PAQR3: variants seen among roughly 807,000 people sequenced by gnomAD.
The protein encoded by PAQR3 is progestin and adipoQ receptor family member 3.
A neutral mutation model predicts 41.7 loss-of-function variants in PAQR3; 39 were observed. The observed-to-expected ratio is 0.93, with a 90% CI of 0.72 to 1.22. PAQR3 has a LOEUF of 1.22. Among genes scored for constraint, PAQR3 ranks in the 50% most tolerant of loss-of-function variants. PAQR3 has a pLI of 0.00. For missense variants in PAQR3, 366 were observed against 385.6 expected (o/e 0.95, Z 0.42); for synonymous variants, 140 against 140.6 (o/e 1.00, Z 0.03).
intron 4 of PAQR3, among the ~76,000 whole-genome samples, chr4:78,924,742 ATGG>A (rs1736019660): frequency 6.7e-6 from 1 of 149,438 alleles, no homozygotes; most frequent in Non-Finnish European, 1.5e-5. Context: ...TTAGCTGGGC[ATGG>A]TGGTGCACAC....
intron 5 of PAQR3, chr4:78,921,548 T>TAA (rs1735659752): frequency 3.1e-6 from 2 of 645,576 alleles, no homozygotes; most frequent in African/African-American, 4.0e-5. Flanking sequence ...ACCCATTTTT[T>TAA]TAAAAAACAA....
At chr4:78,934,916 T>C (rs1737267833) in intron 2 of PAQR3, among the ~76,000 whole-genome samples, 1 of 152,192 alleles carries the variant, frequency 6.6e-6, no homozygotes, top group African/African-American at 2.4e-5. Context: ...CAAATTCTTC[T>C]CAATCTTTGT....
chr4:78,907,469 A>G (rs1319776029), downstream of PAQR3, among the ~76,000 whole-genome samples: 1 of 152,220 alleles, frequency 6.6e-6, no homozygotes, highest in Non-Finnish European at 1.5e-5. Context: ...TCCTACGTTA[A>G]ATGTTCCAGA....
chr4:78,922,766 A>G (rs912941097), intron 5 of PAQR3: 115 of 363,554 alleles, frequency 3.2e-4, no homozygotes, highest in South Asian at 9.2e-4. Flanking sequence ...CCCTGGGGGG[A>G]AAAAAAAGTA....
At chr4:78,926,794 A>T in intron 3 of PAQR3, 76 bp from the exon 4 acceptor site, 3 of 1,329,826 alleles carry the variant, frequency 2.3e-6, no homozygotes, top group Non-Finnish European at 3.2e-6. Context: ...TGGCTTTTAC[A>T]CTACAAATTC....
intron 12 of PAQR3, chr4:78,887,351 T>C (rs1284946670): frequency 2.5e-6 from 3 of 1,192,880 alleles, no homozygotes; most frequent in East Asian, 5.0e-5. Context: ...CAAAATCTTA[T>C]AAAGTGGAAG....
downstream of PAQR3, among the ~76,000 whole-genome samples, chr4:78,906,966 G>C (rs1454498789): frequency 6.6e-6 from 1 of 152,070 alleles, no homozygotes; most frequent in Non-Finnish European, 1.5e-5. Context: ...CCCATGAGGA[G>C]GGAATCATAG....
rs1737796640 is a variant in PAQR3, at chr4:78,939,315, G to C, written c.-91C>G. ...GCTTCGCCGCTGGCGCCCCCGCCCC[G>C]GAGCCCGCGGACGCTGCGCGAGGTC... On this transcript the variant is annotated 5_prime_UTR_variant, in exon 1 of 6. Coordinates refer to ENST00000512733, the MANE Select transcript of PAQR3 (RefSeq NM_001040202.2). The C allele has an allele frequency of 8.0e-7, 1 of 1,250,166 alleles. No homozygotes were observed. Among genetic ancestry groups the C allele is most frequent in the East Asian group, 3.2e-5 (1 of 31,526 alleles). The allele number at this position is 1,250,166 out of a possible 1,614,324, so 77.4% of individuals were successfully genotyped here.
At chr4:78,890,404 G>GCACACACACA (rs149825379) in intron 11 of PAQR3, among the ~76,000 whole-genome samples, 89 of 148,078 alleles carry the variant, frequency 6.0e-4, no homozygotes, top group African/African-American at 1.9e-3. Flanking sequence ...ACAATCATGC[G>GCACACACACA]CACACACACA....
At chr4:78,921,851 T>C in intron 5 of PAQR3, 2 of 985,084 alleles carry the variant, frequency 2.0e-6, no homozygotes, top group Non-Finnish European at 2.4e-6. Flanking sequence ...TTAGTTTCCA[T>C]ATCTCCACTG....
chr4:78,905,812 A>AT (rs77857328), intron 11 of PAQR3, among the ~76,000 whole-genome samples: 36 of 149,782 alleles, frequency 2.4e-4, no homozygotes, highest in Admixed American at 5.3e-4. Flanking sequence ...AAGATCTGAA[A>AT]TTTTTTTTTT....
Position 78,913,420 on chromosome 4 carries a change from G to A in PAQR3, c.*7119C>T, listed in dbSNP as rs1304694564. ...ATAGAGATTACATATGTGAATTAAT[G>A]TGAATATAGTATCTGTGCTTCCTGT... is the stretch of plus-strand genomic sequence containing the variant. On this transcript the variant is annotated 3_prime_UTR_variant, in exon 6 of 6. Transcript: ENST00000512733. The A allele has an allele frequency of 6.6e-6, 1 of 152,148 alleles. No homozygotes were observed. The highest frequency in any genetic ancestry group is 1.5e-5 in the Non-Finnish European group (1 of 67,978). 9.4% of individuals were successfully genotyped at this position (152,148 alleles called of 1,614,324 possible).
At chr4:78,890,404 G>GCACACACA (rs149825379) in intron 11 of PAQR3, among the ~76,000 whole-genome samples, 2,554 of 148,060 alleles carry the variant, frequency 0.017, 72 homozygotes, top group African/African-American at 0.059. Flanking sequence ...ACAATCATGC[G>GCACACACA]CACACACACA....
chr4:78,924,851 A>G (rs1352978966), intron 4 of PAQR3, among the ~76,000 whole-genome samples: 1 of 152,084 alleles, frequency 6.6e-6, no homozygotes, highest in Non-Finnish European at 1.5e-5. Context: ...AAAGAAATAA[A>G]ATGTAAAGAC....
rs1578003465 is a variant in PAQR3, at chr4:78,918,348, T to G, written c.*2191A>C. On this transcript the variant is annotated 3_prime_UTR_variant, in exon 6 of 6. Transcript: ENST00000512733. ...TTAATGTTAACAATGTCTTCAAAAT[T>G]TTACCAGTAGTGCTGTGCACACAGT... 1.0e-6 allele frequency: 1 copy of G among 978,698 alleles called. No homozygotes were observed. Among genetic ancestry groups the G allele is most frequent in the African/African-American group, 1.8e-5 (1 of 57,020 alleles). 60.6% of individuals were successfully genotyped at this position (978,698 alleles called of 1,614,324 possible).
Position 78,918,659 on chromosome 4 carries a change from TATACTA to T in PAQR3, c.*1874_*1879del, listed in dbSNP as rs1376475532. On this transcript the variant is annotated 3_prime_UTR_variant, in exon 6 of 6. Coordinates refer to ENST00000512733, the MANE Select transcript of PAQR3 (RefSeq NM_001040202.2). ...AATTCAAATGGCAAGTATGTATTCA[TATACTA>T]ATACAGGGACTGCAAAAATTGAAAT... 11 of 949,080 alleles carry T rather than the reference TATACTA, an allele frequency of 1.2e-5. No homozygotes were observed. The highest frequency in any genetic ancestry group is 1.3e-5 in the Non-Finnish European group (10 of 796,744). 58.8% of individuals were successfully genotyped at this position (949,080 alleles called of 1,614,324 possible). A position where few individuals can be genotyped will look rare whatever the true frequency, so the allele number is the denominator to read the frequency against.
At chr4:78,908,340 C>T (rs535737080), downstream of PAQR3, among the ~76,000 whole-genome samples, 1 of 152,272 alleles carries the variant, frequency 6.6e-6, no homozygotes, top group East Asian at 1.9e-4. Context: ...CCATCCAGCT[C>T]AGTTGTCTGT....
At position 78,939,322 on chromosome 4, in the gene PAQR3, G is replaced by A; in HGVS notation, c.-98C>T. ...CGCTGGCGCCCCCGCCCCGGAGCCC[G>A]CGGACGCTGCGCGAGGTCCTACCGC... On this transcript the variant is annotated 5_prime_UTR_variant, in exon 1 of 6. Transcript: ENST00000512733. 1 of 1,180,164 alleles carries A rather than the reference G, an allele frequency of 8.5e-7. No individual in the cohort carries two copies. The highest frequency in any genetic ancestry group is 3.3e-5 in the East Asian group (1 of 30,638). 73.1% of individuals were successfully genotyped at this position (1,180,164 alleles called of 1,614,324 possible). A position where few individuals can be genotyped will look rare whatever the true frequency, so the allele number is the denominator to read the frequency against.
In PAQR3 at chr4:78,919,358, T is replaced by C; in HGVS notation, c.*1181A>G. ...CTTTAAGGGATTTAACTAATGCATATGAAAGACCAAAGAATAAGAGGGCTA... is the reference window on the plus strand; with the variant it reads ...CTTTAAGGGATTTAACTAATGCATACGAAAGACCAAAGAATAAGAGGGCTA... On this transcript the variant is annotated 3_prime_UTR_variant, in exon 6 of 6. Transcript: ENST00000512733. 1 of 983,872 alleles carries C rather than the reference T, an allele frequency of 1.0e-6. No homozygotes were observed. 60.9% of individuals were successfully genotyped at this position (983,872 alleles called of 1,614,324 possible).
Sources: gnomAD v4.1 joint callset for allele counts (sites outside exome capture counted in the v4.1 genomes callset) on GRCh38, gnomAD v4.1.1 for gene constraint, MANE v1.5 for transcripts, NCBI Gene and HGNC (gene_info 2026-07-23, HGNC 2026-07-21) for gene names.